SLC44A2: variants seen among roughly 807,000 people sequenced by gnomAD.
SLC44A2 encodes the protein solute carrier family 44 member 2 (CTL2 blood group).
SLC44A2 carries 57 observed loss-of-function variants against 90.8 expected under a neutral mutation model. The ratio of observed to expected loss-of-function variants is 0.63; its 90% confidence interval spans 0.51 to 0.78. The LOEUF is 0.78. Ranked by LOEUF, SLC44A2 falls within the 30% of genes least tolerant of loss-of-function variation. The pLI, the probability that SLC44A2 is intolerant of heterozygous loss-of-function variation, is 0.00. For missense variants in SLC44A2, 794 were observed against 919.7 expected (o/e 0.86, Z 1.77); for synonymous variants, 355 against 360.7 (o/e 0.98, Z 0.18).
chr19:10,619,257 A>G (rs958033963), intron 1 of SLC44A2, among the ~76,000 whole-genome samples: 11 of 151,394 alleles, frequency 7.3e-5, no homozygotes, highest in Admixed American at 2.0e-4. Flanking sequence ...GGCAAAGCCC[A>G]GTCCCTACAA....
intron 2 of SLC44A2, among the ~76,000 whole-genome samples, chr19:10,627,302 CAG>C (rs996224997): frequency 2.0e-5 from 3 of 147,236 alleles, no homozygotes; most frequent in Non-Finnish European, 4.4e-5. Flanking sequence ...GCCTGGGCGA[CAG>C]AGTGAGATTC....
chr19:10,626,166 C>A (rs2066931079), intron 1 of SLC44A2, 87 bp from the exon 2 acceptor site: 4 of 1,081,514 alleles, frequency 3.7e-6, no homozygotes, highest in East Asian at 2.4e-5. Flanking sequence ...GCAAAGACAC[C>A]CCTAGGGGCT....
intron 1 of SLC44A2, among the ~76,000 whole-genome samples, chr19:10,614,030 A>G (rs917278059): frequency 3.9e-5 from 6 of 151,934 alleles, no homozygotes; most frequent in Non-Finnish European, 7.4e-5. Context: ...CAGTGATGCG[A>G]TCTTGGCTCA....
rs1318346038 is a variant in SLC44A2 at position 10,635,092 on chromosome 19, A to C, written c.1055+19A>C. Reference sequence around the variant, plus strand: ...CCAGCAGGTGGGGGGCCAGGGTGCCAGGGGCCAGGATGGAGCTGTCCCTAG... The same window carrying C: ...CCAGCAGGTGGGGGGCCAGGGTGCCCGGGGCCAGGATGGAGCTGTCCCTAG... On this transcript the variant is annotated intron_variant, in intron 12 of 21. Transcript: ENST00000335757. The C allele has an allele frequency of 1.2e-6, 2 of 1,613,764 alleles. No individual in the cohort carries two copies. Among genetic ancestry groups the C allele is most frequent in the Admixed American group, 1.7e-5 (1 of 59,978 alleles).
At chr19:10,618,068 G>A (rs183953784) in intron 1 of SLC44A2, among the ~76,000 whole-genome samples, 1 of 152,026 alleles carries the variant, frequency 6.6e-6, no homozygotes, top group Non-Finnish European at 1.5e-5. Context: ...GCAGTGGCGT[G>A]ATCTCGGCTC....
At chr19:10,613,289 A>G (rs1430780219) in intron 1 of SLC44A2, among the ~76,000 whole-genome samples, 1 of 149,710 alleles carries the variant, frequency 6.7e-6, no homozygotes, top group Non-Finnish European at 1.5e-5. Flanking sequence ...TTGCTCTGTC[A>G]CCCAGGCTAG....
intron 1 of SLC44A2, among the ~76,000 whole-genome samples, chr19:10,603,171 C>T (rs77141040): frequency 6.6e-6 from 1 of 152,288 alleles, no homozygotes; most frequent in African/African-American, 2.4e-5. Flanking sequence ...GCTCCCACCT[C>T]CCATTTCGAG....
At chr19:10,639,034 G>A (rs528826189) in intron 20 of SLC44A2, among the ~76,000 whole-genome samples, 13 of 151,970 alleles carry the variant, frequency 8.6e-5, no homozygotes, top group African/African-American at 3.1e-4. Context: ...CCCGACCTCA[G>A]GTGATCCACC....
chr19:10,621,875 C>T (rs2066897295), upstream of SLC44A2, among the ~76,000 whole-genome samples: 1 of 152,208 alleles, frequency 6.6e-6, no homozygotes, highest in South Asian at 2.1e-4. Flanking sequence ...CCTTGGCCTC[C>T]CAAAGTGCTG....
chr19:10,625,460 G>T, upstream of SLC44A2: 1 of 1,216,136 alleles, frequency 8.2e-7, no homozygotes. Flanking sequence ...GGGTCCCTTA[G>T]TCTGGGCAGC....
intron 1 of SLC44A2, chr19:10,602,683 G>A: frequency 1.1e-6 from 1 of 935,280 alleles, no homozygotes; most frequent in Non-Finnish European, 1.4e-6. Flanking sequence ...CCGCGCTCGG[G>A]CCCCCGCATC....
chr19:10,606,865 A>G (rs952527698), intron 1 of SLC44A2, among the ~76,000 whole-genome samples: 3 of 143,692 alleles, frequency 2.1e-5, no homozygotes, highest in Non-Finnish European at 4.5e-5. Context: ...ATACACATAT[A>G]TATGTATGTA....
intron 1 of SLC44A2, among the ~76,000 whole-genome samples, chr19:10,618,958 CTTTTT>C (rs772955506): frequency 3.0e-5 from 3 of 100,098 alleles, no homozygotes; most frequent in African/African-American, 3.7e-5. Context: ...GTATACAATT[CTTTTT>C]TTTTTTTTTT....
upstream of SLC44A2, among the ~76,000 whole-genome samples, chr19:10,622,242 A>G (rs1397823223): frequency 6.6e-6 from 1 of 151,986 alleles, no homozygotes; most frequent in Non-Finnish European, 1.5e-5. Context: ...ATGGAGAGAG[A>G]GAGGGAGGAG....
At chr19:10,611,959 T>G (rs1332580259) in intron 1 of SLC44A2, among the ~76,000 whole-genome samples, 1 of 152,194 alleles carries the variant, frequency 6.6e-6, no homozygotes, top group African/African-American at 2.4e-5. Flanking sequence ...GAAAGAATCT[T>G]CTACAAATCT....
Position 10,634,816 on chromosome 19 carries a change from CTT to C in SLC44A2, c.886_887del (p.Leu296GlyfsTer30). The C allele has an allele frequency of 6.2e-7, 1 of 1,614,166 alleles. No homozygotes were observed. Among genetic ancestry groups the C allele is most frequent in the Non-Finnish European group, 8.5e-7 (1 of 1,180,040 alleles). On this transcript the variant is annotated frameshift_variant, in exon 11 of 22. Coordinates refer to ENST00000335757, the MANE Select transcript of SLC44A2 (RefSeq NM_020428.4). LOFTEE classifies it high-confidence loss of function. ...CGTGGTGAGGCCGGCTCTGATGTCTCTTTGGTGGACCTCGGCTTTCAGACGGA... is the reference window on the plus strand; with the variant it reads ...CGTGGTGAGGCCGGCTCTGATGTCTCTGGTGGACCTCGGCTTTCAGACGGA...
At chr19:10,632,621 T>C (rs1258009465) in intron 10 of SLC44A2, among the ~76,000 whole-genome samples, 2 of 151,884 alleles carry the variant, frequency 1.3e-5, no homozygotes, top group South Asian at 2.1e-4. Context: ...GTTCAAATCC[T>C]GGCTTTGCCA....
At chr19:10,625,365 AG>A (rs888576035), upstream of SLC44A2, 3 of 853,768 alleles carry the variant, frequency 3.5e-6, no homozygotes, top group African/African-American at 5.3e-5. Context: ...GTGAAGCCGC[AG>A]GGTTCCCGGG....
At chr19:10,626,412 CTTTT>C in intron 2 of SLC44A2, 111 bp downstream of exon 2, 6 of 681,872 alleles carry the variant, frequency 8.8e-6, no homozygotes, top group Non-Finnish European at 1.2e-5. Flanking sequence ...ATATTTGAAA[CTTTT>C]TTTTTTTTTT....
Sources: allele counts gnomAD v4.1 joint callset (sites outside exome capture counted in the v4.1 genomes callset), GRCh38; gene constraint gnomAD v4.1.1; transcripts MANE v1.5; gene names NCBI Gene and HGNC (gene_info 2026-07-23, HGNC 2026-07-21).